ARMC8: variants seen among roughly 807,000 people sequenced by gnomAD.
The protein encoded by ARMC8 is armadillo repeat-containing protein 8.
A neutral mutation model predicts 99.3 loss-of-function variants in ARMC8; 20 were observed. The ratio of observed to expected loss-of-function variants is 0.20; its 90% confidence interval spans 0.14 to 0.29. The LOEUF (loss-of-function observed/expected upper bound fraction) is 0.29. ARMC8 is among the 10% of genes least tolerant of loss of function. The probability of loss-of-function intolerance (pLI) is 1.00; values close to 1 mark genes in which losing one functional copy is unlikely to be tolerated. For synonymous variants in ARMC8, 263 were observed against 278.3 expected, an observed-to-expected ratio of 0.95 and a Z score of 0.55; for missense variants, 569 against 809.5, an observed-to-expected ratio of 0.70 and a Z score of 3.60.
chr3:138,287,478 G>A (rs2050542733), intron 19 of ARMC8, among the ~76,000 whole-genome samples: 4 of 151,376 alleles, frequency 2.6e-5, no homozygotes, highest in Admixed American at 2.6e-4. Context: ...TATCCTCATA[G>A]TAATTTGTGT....
chr3:138,245,414 T>A, intron 12 of ARMC8: 1 of 1,323,476 alleles, frequency 7.6e-7, no homozygotes, highest in Non-Finnish European at 9.7e-7. Flanking sequence ...ACTGGCGTGC[T>A]TTTTTTTTGT....
Position 138,228,929 on chromosome 3 carries a change from G to A in ARMC8, c.447G>A (p.Val149=). The part of the protein sequence containing the change: ...PEELLYTDAT[V]IPHLMALLSR... ...TTCTCCTTCCCTAGGATGCCACAGT[G>A]ATACCACACCTCATGGCACTGCTTA... Residue 149 remains valine, a synonymous_variant, in exon 6 of 22, where the codon GTG becomes GTA. Coordinates refer to ENST00000469044, the MANE Select transcript of ARMC8 (RefSeq NM_001363941.2). 2 of 1,607,294 alleles carry A rather than the reference G, an allele frequency of 1.2e-6. No homozygotes were observed. The highest frequency in any genetic ancestry group is 8.5e-7 in the Non-Finnish European group (1 of 1,175,878).
intron 21 of ARMC8, among the ~76,000 whole-genome samples, chr3:138,290,913 G>A (rs558219173): frequency 6.6e-6 from 1 of 152,334 alleles, no homozygotes; most frequent in East Asian, 1.9e-4. Flanking sequence ...ACATTCGCCT[G>A]ATCATTAGAA....
At chr3:138,222,049 A>G in intron 3 of ARMC8, 52 bp downstream of exon 3, 2 of 1,386,292 alleles carry the variant, frequency 1.4e-6, no homozygotes, top group Non-Finnish European at 2.0e-6. Context: ...TTTCTAATGT[A>G]TTTCTTACTC....
intron 1 of ARMC8, chr3:138,188,594 CT>C: frequency 6.2e-7 from 1 of 1,603,858 alleles, no homozygotes; most frequent in South Asian, 1.1e-5. Context: ...GATTGACCAT[CT>C]TTTAGACTTG....
intron 12 of ARMC8, among the ~76,000 whole-genome samples, chr3:138,255,203 TTTG>T (rs2047324806): frequency 6.8e-6 from 1 of 147,330 alleles, no homozygotes; most frequent in Non-Finnish European, 1.5e-5. Context: ...TTTTTTTTTT[TTTG>T]TTTTTTTTTT....
intron 2 of ARMC8, among the ~76,000 whole-genome samples, chr3:138,210,970 A>C (rs2044663114): frequency 6.6e-6 from 1 of 150,924 alleles, no homozygotes; most frequent in Non-Finnish European, 1.5e-5. Flanking sequence ...ACGGCTTCTC[A>C]GTTTACAAAA....
intron 1 of ARMC8, chr3:138,188,098 C>T (rs959490098): frequency 4.4e-6 from 1 of 227,378 alleles, no homozygotes; most frequent in Admixed American, 5.1e-5. Flanking sequence ...CGGCTTCTAT[C>T]GCGTCCCAGC....
At chr3:138,264,284 C>T (rs2048037011) in intron 14 of ARMC8, 72 bp downstream of exon 14, 2 of 1,170,480 alleles carry the variant, frequency 1.7e-6, no homozygotes, top group Middle Eastern at 2.0e-4. Context: ...GCTAACACTA[C>T]TCCCTGGTCT....
intron 6 of ARMC8, among the ~76,000 whole-genome samples, chr3:138,230,640 C>T (rs998157742): frequency 2.0e-5 from 3 of 152,074 alleles, no homozygotes; most frequent in Non-Finnish European, 2.9e-5. Context: ...AGTCACAGAA[C>T]GAGACCCTGT....
At chr3:138,209,784 T>C in intron 1 of ARMC8, 33 bp from the exon 2 acceptor site, 1 of 1,587,608 alleles carries the variant, frequency 6.3e-7, no homozygotes, top group Non-Finnish European at 8.6e-7. Context: ...TTGCATGGCT[T>C]CAGATGTCAT....
At chr3:138,225,936 T>C (rs894375432) in intron 5 of ARMC8, among the ~76,000 whole-genome samples, 6 of 152,154 alleles carry the variant, frequency 3.9e-5, no homozygotes, top group African/African-American at 1.4e-4. Context: ...GGTCAGTAGG[T>C]GAGATTTATG....
intron 18 of ARMC8, among the ~76,000 whole-genome samples, chr3:138,277,418 A>C (rs1431534251): frequency 6.6e-6 from 1 of 152,264 alleles, no homozygotes; most frequent in East Asian, 1.9e-4. Context: ...TCAAACTGTA[A>C]AACTTCTGCG....
chr3:138,207,127 A>G (rs919747445), intron 1 of ARMC8, among the ~76,000 whole-genome samples: 7 of 152,214 alleles, frequency 4.6e-5, no homozygotes, highest in African/African-American at 1.7e-4. Flanking sequence ...GCCCTGTGGC[A>G]ATGATTGTGA....
At chr3:138,224,204 C>T (rs1449422788) in intron 5 of ARMC8, among the ~76,000 whole-genome samples, 3 of 151,752 alleles carry the variant, frequency 2.0e-5, no homozygotes, top group Admixed American at 6.6e-5. Flanking sequence ...GTGATCCACC[C>T]GCCTCGGCCT....
chr3:138,260,700 T>C (rs2047667499), intron 12 of ARMC8, among the ~76,000 whole-genome samples: 1 of 152,242 alleles, frequency 6.6e-6, no homozygotes, highest in East Asian at 1.9e-4. Context: ...GCTACATCAT[T>C]CTGGTTCTTT....
intron 3 of ARMC8, among the ~76,000 whole-genome samples, chr3:138,222,488 T>C (rs566317579): frequency 2.8e-4 from 42 of 152,356 alleles, no homozygotes; most frequent in Middle Eastern, 3.4e-3. Flanking sequence ...ATTTCTTCTT[T>C]TGATGACCTA....
chr3:138,211,230 G>A (rs565877068), intron 2 of ARMC8, among the ~76,000 whole-genome samples: 21 of 152,194 alleles, frequency 1.4e-4, no homozygotes, highest in Admixed American at 3.9e-4. Flanking sequence ...AGATAGCTCC[G>A]TATATAGATA....
chr3:138,194,132 T>A (rs111598381), intron 1 of ARMC8, among the ~76,000 whole-genome samples: 2 of 150,442 alleles, frequency 1.3e-5, no homozygotes, highest in East Asian at 3.9e-4. Context: ...AACCTCCGCC[T>A]CCTGGGTTCA....
Sources: allele counts gnomAD v4.1 joint callset (sites outside exome capture counted in the v4.1 genomes callset), GRCh38; gene constraint gnomAD v4.1.1; transcripts MANE v1.5; gene names NCBI Gene and HGNC (gene_info 2026-07-23, HGNC 2026-07-21).